ZNF362: variants seen among roughly 807,000 people sequenced by gnomAD.
ZNF362 encodes the protein rotund homolog.
In ZNF362, 11 loss-of-function variants were observed where a neutral mutation model predicts 42.9. The observed-to-expected ratio is 0.26, with a 90% CI of 0.16 to 0.42. The LOEUF (loss-of-function observed/expected upper bound fraction) is 0.42. Ranked by LOEUF, ZNF362 falls within the 20% of genes least tolerant of loss-of-function variation. The pLI, the probability that ZNF362 is intolerant of heterozygous loss-of-function variation, is 1.00. For synonymous variants in ZNF362, 255 were observed against 257.3 expected (o/e 0.99, Z 0.09); for missense variants, 362 against 576.2 (o/e 0.63, Z 3.81).
chr1:33,193,974 A>G, the ZNF362 span, among the ~76,000 whole-genome samples: 2 of 152,226 alleles, frequency 1.3e-5, no homozygotes, highest in Non-Finnish European at 2.9e-5. Flanking sequence ...AATTAGGATT[A>G]TAGAACAACC....
rs1424714145 is a variant in ZNF362, at chr1:33,281,188, A to G, written c.684-399A>G. On this transcript the variant is annotated intron_variant, in intron 5 of 8. Coordinates refer to ENST00000539719, the MANE Select transcript of ZNF362 (RefSeq NM_152493.3). This position sits in a 1 kb window ranked among gnomAD's most constrained non-coding sequence, Gnocchi z 4.8. ...AGTTAATTTTCTGAGGATGGAAAGT[A>G]TGGAGGGTGGGGCAGGCGTTGGTAT... Among the ~76,000 whole-genome samples the G allele has an allele frequency of 6.6e-6, 1 of 152,168 alleles. No homozygotes were observed. The highest frequency in any genetic ancestry group is 6.5e-5 in the Admixed American group (1 of 15,286).
chr1:33,227,305 G>A, the ZNF362 span, among the ~76,000 whole-genome samples: 1 of 152,160 alleles, frequency 6.6e-6, no homozygotes, highest in Non-Finnish European at 1.5e-5. Context: ...GCTTGTGTCA[G>A]CTTTGACCAA....
the ZNF362 span, among the ~76,000 whole-genome samples, chr1:33,248,989 G>T: frequency 6.6e-6 from 1 of 152,168 alleles, no homozygotes; most frequent in African/African-American, 2.4e-5. Flanking sequence ...ATTTTTTATT[G>T]TATGAAGGAA....
At chr1:33,278,025 C>A (rs1645964387) in intron 4 of ZNF362, among the ~76,000 whole-genome samples, 1 of 152,176 alleles carries the variant, frequency 6.6e-6, no homozygotes, top group South Asian at 2.1e-4. Flanking sequence ...CCTGGTAAAC[C>A]TCTCCAGGCC....
the ZNF362 span, among the ~76,000 whole-genome samples, chr1:33,152,289 G>A: frequency 6.6e-6 from 1 of 152,218 alleles, no homozygotes; most frequent in African/African-American, 2.4e-5. Flanking sequence ...GGGGAGGCTG[G>A]GCTTGGTGGC....
chr1:33,187,880 A>G, the ZNF362 span, among the ~76,000 whole-genome samples: 1 of 152,180 alleles, frequency 6.6e-6, no homozygotes, highest in African/African-American at 2.4e-5. Context: ...TTCCAGACCT[A>G]TGTATTCTGA....
At chr1:33,287,477 A>G (rs1646041133) in intron 6 of ZNF362, among the ~76,000 whole-genome samples, 2 of 152,244 alleles carry the variant, frequency 1.3e-5, no homozygotes, top group Admixed American at 1.3e-4. Context: ...CAGAGATCCT[A>G]TCTAAACAAA....
intron 1 of ZNF362, among the ~76,000 whole-genome samples, 162 bp downstream of exon 1, chr1:33,256,816 C>T (rs1170563926): frequency 7.8e-6 from 1 of 128,984 alleles, no homozygotes; most frequent in Non-Finnish European, 1.7e-5. Flanking sequence ...GCGCCTCGGG[C>T]CCGGCCCAGA....
upstream of ZNF362, among the ~76,000 whole-genome samples, chr1:33,251,644 G>A (rs1645762457): frequency 6.6e-6 from 1 of 152,130 alleles, no homozygotes; most frequent in African/African-American, 2.4e-5. Context: ...ATCTAGCCCT[G>A]AGTGTCACTT....
chr1:33,201,797 A>G, the ZNF362 span, among the ~76,000 whole-genome samples: 141,833 of 152,276 alleles, frequency 0.93, 66,479 homozygotes, highest in South Asian at 0.98. Context: ...GAAAACAAAA[A>G]CGATACAGAA....
At chr1:33,184,630 G>A in the ZNF362 span, among the ~76,000 whole-genome samples, 4 of 152,278 alleles carry the variant, frequency 2.6e-5, no homozygotes, top group African/African-American at 9.6e-5. Flanking sequence ...CAAAGATATG[G>A]GAGGATCCTG....
chr1:33,271,289 C>T (rs1038257570), intron 2 of ZNF362, among the ~76,000 whole-genome samples: 2 of 152,218 alleles, frequency 1.3e-5, no homozygotes, highest in Admixed American at 6.5e-5. Flanking sequence ...TTGGGCTCCT[C>T]GCCTGGGGGG....
the ZNF362 span, among the ~76,000 whole-genome samples, chr1:33,203,219 T>C: frequency 6.6e-6 from 1 of 152,196 alleles, no homozygotes; most frequent in African/African-American, 2.4e-5. Flanking sequence ...AGTGAGATCA[T>C]GCAATATTTT....
Position 33,280,222 on chromosome 1 carries a change from A to G in ZNF362, c.448A>G (p.Thr150Ala). The change falls in exon 5 of 9, where the codon ACC becomes GCC. Residue 150 changes from threonine (T) to alanine (A), a missense_variant. Physicochemically the swap from Thr to Ala is moderately conservative, Grantham distance 58. Coordinates refer to ENST00000539719, the MANE Select transcript of ZNF362 (RefSeq NM_152493.3). The surrounding 1 kb of genome is among the most constrained non-coding windows in gnomAD (Gnocchi z 5.6). The part of the protein sequence containing the change: ...TGTSTPSTPT[T>A]TSQSRLIASS... The stretch of plus-strand genomic sequence containing the variant: ...TACCAGCACCCCGTCCACACCCACC[A>G]CCACCAGCCAGAGCCGCCTCATCGC... 6.2e-7 allele frequency: 1 copy of G among 1,613,694 alleles called. No individual in the cohort carries two copies. Among genetic ancestry groups the G allele is most frequent in the Non-Finnish European group, 8.5e-7 (1 of 1,179,848 alleles).
At chr1:33,176,518 C>T in the ZNF362 span, 7 of 659,442 alleles carry the variant, frequency 1.1e-5, no homozygotes, top group Admixed American at 6.1e-5. Context: ...GAGACTGAAT[C>T]GGATCCCCTC....
chr1:33,202,364 G>A, the ZNF362 span, among the ~76,000 whole-genome samples: 2 of 152,040 alleles, frequency 1.3e-5, no homozygotes, highest in African/African-American at 4.8e-5. Context: ...TGGGAGGCGA[G>A]GGCGGGCGGA....
upstream of ZNF362, among the ~76,000 whole-genome samples, chr1:33,254,806 C>G (rs1425711351): frequency 6.6e-6 from 1 of 152,122 alleles, no homozygotes; most frequent in African/African-American, 2.4e-5. Context: ...TGATGCTCCC[C>G]CTCCCTGATT....
At chr1:33,165,602 C>A in the ZNF362 span, 2 of 1,547,848 alleles carry the variant, frequency 1.3e-6, no homozygotes, top group Non-Finnish European at 8.8e-7. The surrounding 1 kb of genome is among the most constrained non-coding windows in gnomAD (Gnocchi z 4.0). Context: ...GGGGCAGGGG[C>A]CATGCCTGGC....
chr1:33,139,024 T>C, the ZNF362 span, among the ~76,000 whole-genome samples: 3 of 152,248 alleles, frequency 2.0e-5, no homozygotes, highest in African/African-American at 2.4e-5. Context: ...TCGCACTGAC[T>C]GTTAATAGCT....
Sources: gnomAD v4.1 joint callset for allele counts (sites outside exome capture counted in the v4.1 genomes callset) on GRCh38, gnomAD v4.1.1 for gene constraint, Gnocchi (gnomAD v3.1) non-coding constraint, MANE v1.5 for transcripts, NCBI Gene and HGNC (gene_info 2026-07-23, HGNC 2026-07-21) for gene names.